The following NCKAP5 variants were observed in gnomAD, a reference collection of about 807,000 sequenced individuals.
The protein encoded by NCKAP5 is NCK associated protein 5.
A neutral mutation model predicts 167.0 loss-of-function variants in NCKAP5; 92 were observed. The ratio of observed to expected loss-of-function variants is 0.55; its 90% CI spans 0.47 to 0.66. NCKAP5 has a LOEUF of 0.66. Ranked by LOEUF, NCKAP5 falls within the 30% of genes least tolerant of loss-of-function variation. NCKAP5 has a pLI of 0.00. For missense variants in NCKAP5, 2,378 were observed against 2,315.0 expected, an observed-to-expected ratio of 1.03 and a Z score of -0.56; for synonymous variants, 891 against 877.4, an observed-to-expected ratio of 1.02 and a Z score of -0.27.
intron 5 of NCKAP5, among the ~76,000 whole-genome samples, chr2:133,184,769 A>T (rs1371887449): frequency 6.6e-6 from 1 of 152,064 alleles, no homozygotes; most frequent in African/African-American, 2.4e-5. Flanking sequence ...TATTCTTTTG[A>T]GAAGTGTCTA....
At chr2:132,683,145 A>C (rs1211107261) in intron 19 of NCKAP5, among the ~76,000 whole-genome samples, 13 of 152,058 alleles carry the variant, frequency 8.5e-5, no homozygotes. Flanking sequence ...CAGCCTCCCA[A>C]AGTGCTGGGA....
chr2:133,498,944 G>A (rs934847206), intron 3 of NCKAP5, among the ~76,000 whole-genome samples: 6 of 152,164 alleles, frequency 3.9e-5, no homozygotes, highest in African/African-American at 1.2e-4. Context: ...CACTCCTTTC[G>A]GAAATCCAGC....
At chr2:133,672,340 G>C in the NCKAP5 span, among the ~76,000 whole-genome samples, 1 of 152,176 alleles carries the variant, frequency 6.6e-6, no homozygotes, top group Non-Finnish European at 1.5e-5. Context: ...TCAAAGTGTG[G>C]TCCAGGAACT....
chr2:133,048,946 T>C (rs2079503698), intron 6 of NCKAP5, among the ~76,000 whole-genome samples: 1 of 152,164 alleles, frequency 6.6e-6, no homozygotes, highest in African/African-American at 2.4e-5. Flanking sequence ...CCTTGCTTTC[T>C]GGTCTCAAAT....
At chr2:133,620,981 T>G in the NCKAP5 span, among the ~76,000 whole-genome samples, 1 of 151,996 alleles carries the variant, frequency 6.6e-6, no homozygotes. Flanking sequence ...CTCAAAACCA[T>G]GCGAATACAT....
At chr2:133,030,728 G>T (rs1402918220) in intron 6 of NCKAP5, among the ~76,000 whole-genome samples, 2 of 152,206 alleles carry the variant, frequency 1.3e-5, no homozygotes, top group East Asian at 3.8e-4. Flanking sequence ...AGTTCAGGCT[G>T]CTGTAGGGGA....
intron 5 of NCKAP5, among the ~76,000 whole-genome samples, chr2:133,203,870 T>C (rs1365372360): frequency 1.3e-5 from 2 of 152,180 alleles, no homozygotes; most frequent in Non-Finnish European, 2.9e-5. Context: ...GCTATATAAA[T>C]CCACAGCATT....
rs986060352 is a variant in NCKAP5 at position 132,719,079 on chromosome 2, C to T, written c.5713+6548G>A. Among the ~76,000 whole-genome samples, 6 of 152,164 alleles carry T rather than the reference C, an allele frequency of 3.9e-5. No homozygotes were observed. In the South Asian group the frequency reaches 1.2e-3, roughly 32 times the overall value. ...GAGAAGAAGGGTGTTAGTACAAAAGCCATTCCAGGGAGGCCAGACCATATA... is the reference window on the plus strand; with the variant it reads ...GAGAAGAAGGGTGTTAGTACAAAAGTCATTCCAGGGAGGCCAGACCATATA... On this transcript the variant is annotated intron_variant, in intron 19 of 19. Coordinates refer to ENST00000409261, the MANE Select transcript of NCKAP5 (RefSeq NM_207363.3).
At chr2:133,385,335 A>G (rs756653824) in intron 3 of NCKAP5, among the ~76,000 whole-genome samples, 1 of 152,110 alleles carries the variant, frequency 6.6e-6, no homozygotes, top group Non-Finnish European at 1.5e-5. Flanking sequence ...TTCTGTTTAT[A>G]TGTTGGATTA....
intron 16 of NCKAP5, among the ~76,000 whole-genome samples, chr2:132,743,415 A>G (rs540977275): frequency 6.6e-6 from 1 of 151,850 alleles, no homozygotes; most frequent in Admixed American, 6.6e-5. Context: ...ATATAACAGC[A>G]CAAAGGATGG....
At chr2:132,983,038 G>C (rs1263198637) in intron 7 of NCKAP5, among the ~76,000 whole-genome samples, 1 of 152,088 alleles carries the variant, frequency 6.6e-6, no homozygotes, top group Non-Finnish European at 1.5e-5. Flanking sequence ...CTACCTCCTT[G>C]GTTAGGTGTA....
At chr2:133,013,704 C>T (rs1559050626) in intron 6 of NCKAP5, among the ~76,000 whole-genome samples, 1 of 152,160 alleles carries the variant, frequency 6.6e-6, no homozygotes. Flanking sequence ...AATTCAGGGA[C>T]CACAGCTCAG....
chr2:133,402,482 G>A (rs1024800517), intron 3 of NCKAP5, among the ~76,000 whole-genome samples: 12 of 152,188 alleles, frequency 7.9e-5, no homozygotes, highest in African/African-American at 2.9e-4. Flanking sequence ...CTCTTTGGTA[G>A]CTGATAGGGT....
intron 4 of NCKAP5, 99 bp from the exon 5 acceptor site, chr2:133,213,878 C>T: frequency 8.6e-7 from 1 of 1,163,420 alleles, no homozygotes; most frequent in Non-Finnish European, 1.3e-6. Flanking sequence ...AGAGGAATTC[C>T]TTCCTTGGTT....
At chr2:133,487,777 C>T (rs574816248) in intron 3 of NCKAP5, among the ~76,000 whole-genome samples, 1 of 152,224 alleles carries the variant, frequency 6.6e-6, no homozygotes, top group African/African-American at 2.4e-5. Flanking sequence ...CTTACCCACC[C>T]CAGGCTACAG....
At chr2:133,075,022 A>G in intron 6 of NCKAP5, among the ~76,000 whole-genome samples, 1 of 152,222 alleles carries the variant, frequency 6.6e-6, no homozygotes, top group South Asian at 2.1e-4. Flanking sequence ...AAAATAAAAA[A>G]CAAAAACAAA....
chr2:133,111,172 G>A (rs1372709440), intron 6 of NCKAP5, among the ~76,000 whole-genome samples: 7 of 152,184 alleles, frequency 4.6e-5, no homozygotes, highest in Admixed American at 2.6e-4. Flanking sequence ...CACCACGTAA[G>A]AGGAAAGAGA....
At chr2:133,129,847 AG>A (rs2082536132) in intron 6 of NCKAP5, 130 bp downstream of exon 6, 1 of 1,061,748 alleles carries the variant, frequency 9.4e-7, no homozygotes, top group Admixed American at 3.7e-5. Context: ...TCAGAACAGA[AG>A]GTCTAAATGG....
intron 12 of NCKAP5, among the ~76,000 whole-genome samples, chr2:132,794,721 T>C (rs1471075250): frequency 1.3e-5 from 2 of 151,200 alleles, no homozygotes; most frequent in Non-Finnish European, 2.9e-5. Flanking sequence ...AGCCATCAGT[T>C]AGTTCATGGT....
Sources: gnomAD v4.1 joint callset for allele counts (sites outside exome capture counted in the v4.1 genomes callset) on GRCh38, gnomAD v4.1.1 for gene constraint, MANE v1.5 for transcripts, NCBI Gene and HGNC (gene_info 2026-07-23, HGNC 2026-07-21) for gene names.